The following ICOS variants were observed in gnomAD, a reference collection of about 807,000 sequenced individuals.
The protein encoded by ICOS is inducible T-cell costimulator.
Under a neutral mutation model 24.6 loss-of-function variants are expected in ICOS, and 15 were observed. The observed-to-expected ratio is 0.61, with a 90% CI of 0.41 to 0.94. The LOEUF (loss-of-function observed/expected upper bound fraction) is 0.94. Ranked by LOEUF, ICOS falls within the 40% of genes least tolerant of loss-of-function variation. ICOS has a pLI of 0.00. For synonymous variants in ICOS, 89 were observed against 77.5 expected (o/e 1.15, Z -0.78); for missense variants, 200 against 233.0 (o/e 0.86, Z 0.92).
intron 1 of ICOS, among the ~76,000 whole-genome samples, chr2:203,953,967 A>G (rs752060426): frequency 2.6e-5 from 4 of 152,238 alleles, no homozygotes; most frequent in Non-Finnish European, 4.4e-5. Context: ...TTTCTATTTC[A>G]CTGTAGAACT....
intron 1 of ICOS, among the ~76,000 whole-genome samples, chr2:203,946,950 C>G (rs1449710614): frequency 1.3e-5 from 2 of 152,206 alleles, no homozygotes; most frequent in African/African-American, 4.8e-5. Flanking sequence ...CTTGCACGCT[C>G]TGCACTGAGT....
intron 1 of ICOS, among the ~76,000 whole-genome samples, chr2:203,943,965 C>T (rs946350673): frequency 3.3e-5 from 5 of 152,116 alleles, no homozygotes; most frequent in African/African-American, 4.8e-5. Context: ...CCCATGCAAA[C>T]GGAAGGGCTG....
chr2:203,958,222 T>C (rs1177941552), intron 4 of ICOS, among the ~76,000 whole-genome samples: 1 of 152,220 alleles, frequency 6.6e-6, no homozygotes, highest in African/African-American at 2.4e-5. Flanking sequence ...AGTCATTCAA[T>C]GAGCGTTTAT....
rs1472293998 is a variant in ICOS, at chr2:203,955,869, A to G, written c.292A>G (p.Asn98Asp). Reference protein sequence around the residue: ...SNNSVSFFLYNLDHSHANYYF... With the variant: ...SNNSVSFFLYDLDHSHANYYF... ...CAACAGTGTCTCTTTTTTTCTATAC[A>G]ACTTGGACCATTCTCATGCCAACTA... Residue 98 changes from asparagine to aspartate, a missense_variant, in exon 2 of 5, where the codon AAC (asparagine) becomes GAC (aspartate). Transcript: ENST00000316386. 1 of 1,613,694 alleles carries G rather than the reference A, an allele frequency of 6.2e-7. No individual in the cohort carries two copies. The highest frequency in any genetic ancestry group is 1.7e-5 in the Admixed American group (1 of 59,978).
At chr2:203,938,163 A>G (rs1689696141) in intron 1 of ICOS, among the ~76,000 whole-genome samples, 1 of 152,118 alleles carries the variant, frequency 6.6e-6, no homozygotes, top group Admixed American at 6.5e-5. Flanking sequence ...TACAGGCAAA[A>G]CTCAATTATA....
chr2:203,954,109 C>T (rs1038949321), intron 1 of ICOS, among the ~76,000 whole-genome samples: 5 of 151,998 alleles, frequency 3.3e-5, no homozygotes, highest in African/African-American at 1.2e-4. Flanking sequence ...GAAAATTTGT[C>T]ATATTAAAAA....
At chr2:203,957,738 C>CA in intron 3 of ICOS, 61 bp from the exon 4 acceptor site, 1 of 1,270,904 alleles carries the variant, frequency 7.9e-7, no homozygotes, top group East Asian at 2.3e-5. Context: ...AGAAAACAGT[C>CA]AAAAAACAAA....
chr2:203,949,333 T>C (rs975452518), intron 1 of ICOS, among the ~76,000 whole-genome samples: 1 of 152,224 alleles, frequency 6.6e-6, no homozygotes, highest in Non-Finnish European at 1.5e-5. Context: ...TCTATTATAC[T>C]TCTGTTGATT....
At chr2:203,946,966 C>A (rs966210858) in intron 1 of ICOS, among the ~76,000 whole-genome samples, 1 of 152,186 alleles carries the variant, frequency 6.6e-6, no homozygotes. Context: ...TGAGTGGGTT[C>A]TTTAAATGTT....
At chr2:203,951,061 CAAA>C (rs533323850) in intron 1 of ICOS, among the ~76,000 whole-genome samples, 3 of 119,742 alleles carry the variant, frequency 2.5e-5, no homozygotes, top group Non-Finnish European at 1.8e-5. Context: ...GACTCCATCT[CAAA>C]AAAAAAAAAA....
chr2:203,944,463 C>T (rs1266415160), intron 1 of ICOS, among the ~76,000 whole-genome samples: 2 of 152,192 alleles, frequency 1.3e-5, no homozygotes, highest in Non-Finnish European at 2.9e-5. Context: ...TCTCCCTTTC[C>T]CGTGAGTCTT....
At chr2:203,955,584 G>A in intron 1 of ICOS, 52 bp from the exon 2 acceptor site, 1 of 1,407,032 alleles carries the variant, frequency 7.1e-7, no homozygotes, top group Non-Finnish European at 1.0e-6. Flanking sequence ...ATAATTATTA[G>A]GGCAACATTA....
At chr2:203,959,240 GA>G (rs1232418038) in intron 4 of ICOS, among the ~76,000 whole-genome samples, 1 of 152,212 alleles carries the variant, frequency 6.6e-6, no homozygotes, top group Non-Finnish European at 1.5e-5. Flanking sequence ...TCTGGAGGCA[GA>G]AAAGCAGTGA....
chr2:203,956,404 A>T (rs1041133876), intron 2 of ICOS, among the ~76,000 whole-genome samples: 2 of 152,172 alleles, frequency 1.3e-5, no homozygotes, highest in Non-Finnish European at 1.5e-5. Context: ...TACCTCTTTT[A>T]TAAAAATATA....
intron 1 of ICOS, among the ~76,000 whole-genome samples, chr2:203,952,416 G>A (rs1690001656): frequency 6.6e-6 from 1 of 152,132 alleles, no homozygotes; most frequent in Non-Finnish European, 1.5e-5. Flanking sequence ...GGCTTTTATT[G>A]TTGATGTTGA....
intron 1 of ICOS, among the ~76,000 whole-genome samples, chr2:203,939,552 T>C (rs759454695): frequency 1.3e-4 from 20 of 152,190 alleles, no homozygotes; most frequent in Non-Finnish European, 2.1e-4. Context: ...GCAGTGTGGA[T>C]AATACACCAG....
chr2:203,950,851 A>G (rs1559034654), intron 1 of ICOS, among the ~76,000 whole-genome samples: 1 of 152,108 alleles, frequency 6.6e-6, no homozygotes, highest in Admixed American at 6.6e-5. Context: ...CGTGAGGTAA[A>G]GAGATGGAGA....
intron 1 of ICOS, among the ~76,000 whole-genome samples, chr2:203,953,756 C>G (rs1401616550): frequency 6.6e-6 from 1 of 151,990 alleles, no homozygotes; most frequent in Non-Finnish European, 1.5e-5. Context: ...TCCCAATATC[C>G]AACGTTAGTA....
rs55972840 is a variant in ICOS at position 203,955,727 on chromosome 2, A to G, written c.150A>G (p.Gln50=). 3.9e-3 allele frequency: 6,261 copies of G among 1,613,738 alleles called. 223 individuals carry two copies. In the African/African-American group the frequency reaches 0.074, roughly 19 times the overall value. The change falls in exon 2 of 5, where the codon CAA becomes CAG. Residue 50 remains glutamine (Q), a synonymous_variant. Transcript: ENST00000316386. ...GCAAATATCCTGACATTGTCCAGCA[A>G]TTTAAAATGCAGTTGCTGAAAGGGG... ...ILCKYPDIVQ[Q]FKMQLLKGGQ...
Sources: gnomAD v4.1 joint callset for allele counts (sites outside exome capture counted in the v4.1 genomes callset) on GRCh38, gnomAD v4.1.1 for gene constraint, MANE v1.5 for transcripts, NCBI Gene and HGNC (gene_info 2026-07-23, HGNC 2026-07-21) for gene names.